GPKOW: variants seen among roughly 807,000 people sequenced by gnomAD.
GPKOW encodes G-patch domain and KOW motifs.
For missense variants in GPKOW, 359 were observed against 404.7 expected, an observed-to-expected ratio of 0.89 and a Z score of 0.97; for synonymous variants, 167 against 159.1, an observed-to-expected ratio of 1.05 and a Z score of -0.37.
At chrX:49,118,760 A>C (rs1453585899) in intron 4 of GPKOW, among the ~76,000 whole-genome samples, 6 of 103,653 alleles carry the variant, frequency 5.8e-5, no homozygotes, top group African/African-American at 1.7e-4. Flanking sequence ...AAAAAAAAAA[A>C]AAAAAACGCC....
At position 49,122,764 on chromosome X, in the gene GPKOW, C is replaced by T. The variant is rs1421045309; in HGVS notation, c.189G>A (p.Gln63=). ...GGATGACGAGTTCCTTGGGGGCCTC[C>T]TGGGGCTTCACACTGATGTGGACAC... The part of the protein sequence containing the change: ...EGRELQSVKP[Q]EAPKELVIPL... Residue 63 remains glutamine (Q), a synonymous_variant, in exon 2 of 11, where the codon CAG becomes CAA. Coordinates refer to ENST00000156109, the MANE Select transcript of GPKOW (RefSeq NM_015698.6). 8 of 1,207,937 alleles carry T rather than the reference C, an allele frequency of 6.6e-6. No individual in the cohort carries two copies. Among genetic ancestry groups the T allele is most frequent in the Non-Finnish European group, 7.8e-6 (7 of 893,578 alleles).
At chrX:49,117,907 T>G in intron 4 of GPKOW, 97 bp from the exon 5 acceptor site, 1 of 382,820 alleles carries the variant, frequency 2.6e-6, no homozygotes, top group Non-Finnish European at 3.9e-6. Context: ...ACCCGCCCCA[T>G]TGACATTTTC....
intron 9 of GPKOW, among the ~76,000 whole-genome samples, chrX:49,114,912 G>A (rs2065186402): frequency 1.5e-5 from 1 of 64,880 alleles, no homozygotes; most frequent in Non-Finnish European, 2.6e-5. Flanking sequence ...GTGACAGAGT[G>A]ACTCTGTTTC....
Position 49,117,713 on chromosome X carries a change from G to C in GPKOW, c.664C>G (p.Arg222Gly). ...TGCTCCTCATCTGGTCTTGGCATGCGGGAGGGGCCAGTGGGGGTCAAGGCC... is the reference window on the plus strand; with the variant it reads ...TGCTCCTCATCTGGTCTTGGCATGCCGGAGGGGCCAGTGGGGGTCAAGGCC... ...AQALTPTGPS[R>G]MPRPDEEQEK... The change falls in exon 5 of 11, where the codon CGC becomes GGC. Residue 222 changes from arginine (R) to glycine (G), a missense_variant. Physicochemically the swap from Arg to Gly is moderately radical, Grantham distance 125. Coordinates refer to ENST00000156109, the MANE Select transcript of GPKOW (RefSeq NM_015698.6). 8.3e-7 allele frequency: 1 copy of C among 1,208,636 alleles called. No homozygotes were observed. Among genetic ancestry groups the C allele is most frequent in the Non-Finnish European group, 1.1e-6 (1 of 892,680 alleles).
intron 3 of GPKOW, 128 bp from the exon 4 acceptor site, chrX:49,119,942 T>C (rs1249219186): frequency 8.0e-5 from 35 of 439,853 alleles, no homozygotes; most frequent in Non-Finnish European, 1.3e-4. Context: ...AGGGTGAGTT[T>C]TGATTTCCTC....
At chrX:49,119,394 C>T (rs888791328) in intron 4 of GPKOW, among the ~76,000 whole-genome samples, 17 of 111,624 alleles carry the variant, frequency 1.5e-4, no homozygotes, top group Non-Finnish European at 3.0e-4. Flanking sequence ...CAGGCATGAG[C>T]CACTACCTGG....
At chrX:49,114,960 G>T (rs943916998) in intron 9 of GPKOW, among the ~76,000 whole-genome samples, 13 of 98,614 alleles carry the variant, frequency 1.3e-4, no homozygotes, top group African/African-American at 4.5e-4. Flanking sequence ...AAAAAGAAGG[G>T]CCTTTCCTGT....
Position 49,123,588 on chromosome X carries a change from C to T in GPKOW, c.135G>A (p.Glu45=). Residue 45 remains glutamate, a synonymous_variant, in exon 1 of 11, where the codon GAG becomes GAA. Coordinates refer to ENST00000156109, the MANE Select transcript of GPKOW (RefSeq NM_015698.6). ...SGDGAGPSPE[E]KDFLKTVEGR... is the part of the protein sequence containing the mutation. ...CTTCCACGGTTTTCAAGAAATCCTT[C>T]TCCTCCGGAGATGGCCCCGCGCCGT... 8.3e-7 allele frequency: 1 copy of T among 1,209,622 alleles called. No individual in the cohort carries two copies. The highest frequency in any genetic ancestry group is 1.1e-6 in the Non-Finnish European group (1 of 894,518).
intron 5 of GPKOW, 100 bp downstream of exon 5, chrX:49,117,497 C>T (rs922093818): frequency 1.6e-6 from 1 of 633,333 alleles, no homozygotes; most frequent in South Asian, 2.6e-5. Flanking sequence ...ACTAGGAGTC[C>T]CAGCCTTTCT....
In GPKOW at chrX:49,117,727, G is replaced by C; in HGVS notation, c.650C>G (p.Pro217Arg). Residue 217 changes from proline to arginine, a missense_variant, in exon 5 of 11, where the codon CCC becomes CGC. Physicochemically the swap from Pro to Arg is moderately radical, Grantham distance 103 (BLOSUM62 -2). Transcript: ENST00000156109. ...TCTTGGCATGCGGGAGGGGCCAGTG[G>C]GGGTCAAGGCCTGGGCCTCGGTCAG... is the stretch of plus-strand genomic sequence containing the variant. ...ANLTEAQALT[P>R]TGPSRMPRPD... is the part of the protein sequence containing the mutation. 3.3e-6 allele frequency: 4 copies of C among 1,209,579 alleles called. No individual in the cohort carries two copies. The highest frequency in any genetic ancestry group is 4.5e-6 in the Non-Finnish European group (4 of 893,535).
intron 4 of GPKOW, 36 bp from the exon 5 acceptor site, chrX:49,117,846 C>G: frequency 1.2e-6 from 1 of 843,446 alleles, no homozygotes; most frequent in Non-Finnish European, 1.7e-6. Context: ...GGAGAGGATG[C>G]AACAGTCTTC....
intron 4 of GPKOW, 84 bp from the exon 5 acceptor site, chrX:49,117,894 C>T: frequency 2.0e-6 from 1 of 507,562 alleles, no homozygotes; most frequent in East Asian, 4.0e-5. Context: ...CCAAACCCGC[C>T]CCACCCGCCC....
intron 3 of GPKOW, among the ~76,000 whole-genome samples, chrX:49,121,798 C>G (rs2065213918): frequency 9.0e-6 from 1 of 111,162 alleles, no homozygotes; most frequent in Non-Finnish European, 1.9e-5. Flanking sequence ...CTGTTCTTCC[C>G]TCTCTCACTA....
intron 1 of GPKOW, 131 bp downstream of exon 1, chrX:49,123,416 C>A (rs2065220364): frequency 2.9e-6 from 2 of 691,498 alleles, no homozygotes; most frequent in Non-Finnish European, 4.2e-6. Flanking sequence ...GCCTTCTGGC[C>A]TCCACGAATT....
intron 4 of GPKOW, among the ~76,000 whole-genome samples, chrX:49,119,052 C>T (rs1479135094): frequency 9.5e-6 from 1 of 105,107 alleles, no homozygotes; most frequent in Non-Finnish European, 2.0e-5. Context: ...CCCAGGTTCA[C>T]GCCATTCTCC....
intron 5 of GPKOW, among the ~76,000 whole-genome samples, 197 bp from the exon 6 acceptor site, chrX:49,117,359 A>G (rs1459641828): frequency 5.4e-5 from 6 of 111,618 alleles, no homozygotes; most frequent in East Asian, 2.8e-4. Flanking sequence ...GGATCCTTTA[A>G]GCATTTAATC....
intron 6 of GPKOW, 81 bp from the exon 7 acceptor site, chrX:49,116,404 C>T: frequency 1.6e-6 from 1 of 636,114 alleles, no homozygotes; most frequent in East Asian, 3.3e-5. Flanking sequence ...GTCTCACTGC[C>T]CTTTCCTTCC....
chrX:49,122,059 G>A (rs2065214632), intron 3 of GPKOW, among the ~76,000 whole-genome samples: 1 of 111,754 alleles, frequency 8.9e-6, no homozygotes, highest in African/African-American at 3.2e-5. Flanking sequence ...TCTCCTTTCT[G>A]ACTTCGTCTA....
chrX:49,116,092 T>C, intron 7 of GPKOW, 78 bp from the exon 8 acceptor site: 1 of 1,161,843 alleles, frequency 8.6e-7, no homozygotes, highest in Non-Finnish European at 1.2e-6. Context: ...GCCTATGCTA[T>C]GAAACCCACC....
Sources: allele counts gnomAD v4.1 joint callset (sites outside exome capture counted in the v4.1 genomes callset), GRCh38; gene constraint gnomAD v4.1.1; transcripts MANE v1.5; gene names NCBI Gene and HGNC (gene_info 2026-07-23, HGNC 2026-07-21).